TRABD2B: variants seen among roughly 807,000 people sequenced by gnomAD.
TRABD2B encodes metalloprotease TIKI2.
A neutral mutation model predicts 40.1 loss-of-function variants in TRABD2B; 14 were observed. The observed-to-expected ratio is 0.35, with a 90% CI of 0.23 to 0.55. The LOEUF (loss-of-function observed/expected upper bound fraction) is 0.55. TRABD2B is among the 20% of genes least tolerant of loss of function. TRABD2B has a pLI of 0.90. For synonymous variants in TRABD2B, 263 were observed against 277.0 expected, an observed-to-expected ratio of 0.95 and a Z score of 0.50; for missense variants, 541 against 648.6, an observed-to-expected ratio of 0.83 and a Z score of 1.80.
chr1:47,785,188 CCCT>C (rs950499600), intron 4 of TRABD2B, among the ~76,000 whole-genome samples: 2 of 152,114 alleles, frequency 1.3e-5, no homozygotes, highest in African/African-American at 4.8e-5. Context: ...ACGAGGGTGT[CCCT>C]CCTCCATGAC....
intron 2 of TRABD2B, among the ~76,000 whole-genome samples, chr1:47,828,931 G>A (rs1268267897): frequency 1.3e-5 from 2 of 152,132 alleles, no homozygotes; most frequent in Admixed American, 6.5e-5. Flanking sequence ...GCCTGCCTCC[G>A]TCCTGTGCAC....
At chr1:47,966,097 G>A (rs1007840297) in intron 2 of TRABD2B, among the ~76,000 whole-genome samples, 9 of 152,164 alleles carry the variant, frequency 5.9e-5, no homozygotes, top group Non-Finnish European at 1.0e-4. Context: ...AGGTCAGCAC[G>A]GGGTCTGAGG....
chr1:47,898,665 C>T (rs1204676218), intron 2 of TRABD2B, among the ~76,000 whole-genome samples: 1 of 152,176 alleles, frequency 6.6e-6, no homozygotes, highest in Admixed American at 6.5e-5. Flanking sequence ...TTATCCAAGG[C>T]TATATATAGC....
At chr1:47,849,012 C>G (rs191531181) in intron 2 of TRABD2B, among the ~76,000 whole-genome samples, 11 of 152,340 alleles carry the variant, frequency 7.2e-5, no homozygotes, top group Admixed American at 7.2e-4. Flanking sequence ...GCTTCATGCA[C>G]ATTGCCTGAT....
At chr1:47,800,128 A>G (rs1478427480) in intron 3 of TRABD2B, among the ~76,000 whole-genome samples, 1 of 150,112 alleles carries the variant, frequency 6.7e-6, no homozygotes, top group Non-Finnish European at 1.5e-5. Flanking sequence ...AACAGACCGA[A>G]CTCCCTGCCC....
At chr1:47,773,312 A>T (rs1262325834) in intron 6 of TRABD2B, among the ~76,000 whole-genome samples, 3 of 152,242 alleles carry the variant, frequency 2.0e-5, no homozygotes, top group African/African-American at 4.8e-5. Context: ...CTCACTCCCG[A>T]TTAGAAGGGG....
rs1367325867 is a variant in TRABD2B, at chr1:47,926,597, C to A, written c.666+67437G>T. ...TAGACCACCTCCAGATCCTCCCATG[C>A]TGTGGGATAAGATCTGGCGGCAGGC... On this transcript the variant is annotated intron_variant, in intron 2 of 6. Transcript: ENST00000606738. 1.4e-4 allele frequency among the ~76,000 whole-genome samples: 22 copies of A among 152,148 alleles called. No individual in the cohort carries two copies. The South Asian group carries it at 1.9e-3, about 13-fold the overall frequency.
rs374129330 is a variant in TRABD2B at position 47,988,812 on chromosome 1, G to A, written c.666+5222C>T. The stretch of plus-strand genomic sequence containing the variant: ...AAGGGGGGCAAATTAGGCCTAGAAA[G>A]GGAAAAGGGCTGGCCCAAAGTCACA... On this transcript the variant is annotated intron_variant, in intron 2 of 6. Coordinates refer to ENST00000606738, the MANE Select transcript of TRABD2B (RefSeq NM_001194986.2). Among the ~76,000 whole-genome samples, 453 of 152,322 alleles carry A rather than the reference G, an allele frequency of 3.0e-3. 4 individuals are homozygous for A. Among genetic ancestry groups the A allele is most frequent in the African/African-American group, 0.011 (437 of 41,566 alleles).
At chr1:47,974,879 G>A (rs944943457) in intron 2 of TRABD2B, among the ~76,000 whole-genome samples, 2 of 152,190 alleles carry the variant, frequency 1.3e-5, no homozygotes, top group African/African-American at 4.8e-5. Flanking sequence ...GATATGATGT[G>A]AGGAGAATAG....
At chr1:47,832,558 T>C (rs1645265241) in intron 2 of TRABD2B, among the ~76,000 whole-genome samples, 1 of 152,178 alleles carries the variant, frequency 6.6e-6, no homozygotes, top group South Asian at 2.1e-4. Context: ...TAAATGGCTA[T>C]AATTCTTCCT....
intron 3 of TRABD2B, among the ~76,000 whole-genome samples, chr1:47,801,050 G>A (rs1185298503): frequency 2.0e-5 from 3 of 152,162 alleles, no homozygotes; most frequent in South Asian, 4.1e-4. Flanking sequence ...CTTGCTGCCC[G>A]ACCAGCTGGT....
intron 2 of TRABD2B, among the ~76,000 whole-genome samples, chr1:47,902,812 T>C (rs1644620602): frequency 6.6e-6 from 1 of 152,216 alleles, no homozygotes; most frequent in Non-Finnish European, 1.5e-5. Flanking sequence ...CTTTAGTACA[T>C]GTGGCTGTTG....
At chr1:47,769,513 TG>T (rs780395640) in intron 6 of TRABD2B, among the ~76,000 whole-genome samples, 91 of 152,210 alleles carry the variant, frequency 6.0e-4, no homozygotes, top group Admixed American at 2.0e-3. Context: ...GACTGGTGGG[TG>T]GGGGGTGTGG....
chr1:47,782,222 A>G (rs145316336), intron 4 of TRABD2B, among the ~76,000 whole-genome samples: 80 of 152,306 alleles, frequency 5.3e-4, no homozygotes, highest in African/African-American at 1.8e-3. Flanking sequence ...AGGCTCTGCT[A>G]TTCAACCTAA....
At chr1:47,805,293 G>A (rs1287964267) in intron 2 of TRABD2B, among the ~76,000 whole-genome samples, 1 of 151,726 alleles carries the variant, frequency 6.6e-6, no homozygotes, top group African/African-American at 2.4e-5. Flanking sequence ...AATAGCCAGG[G>A]AATATTTATT....
At chr1:47,861,343 C>T (rs930343148) in intron 2 of TRABD2B, among the ~76,000 whole-genome samples, 8 of 152,068 alleles carry the variant, frequency 5.3e-5, no homozygotes, top group Admixed American at 2.0e-4. Flanking sequence ...TGTTGTAAAA[C>T]GTCCTACAAT....
At chr1:47,839,732 T>G (rs1159737276) in intron 2 of TRABD2B, among the ~76,000 whole-genome samples, 1 of 152,224 alleles carries the variant, frequency 6.6e-6, no homozygotes, top group Non-Finnish European at 1.5e-5. Context: ...CCATCATCAC[T>G]GCTGTTACTA....
Position 47,996,800 on chromosome 1 carries a change from C to T in TRABD2B, c.-11G>A. Reference sequence around the variant, plus strand: ...CAGGGCGGCGTGCATCCTGCCAGGGCCCGCGGGGCGCGGGGGACCCTCCTG... The same window carrying T: ...CAGGGCGGCGTGCATCCTGCCAGGGTCCGCGGGGCGCGGGGGACCCTCCTG... On this transcript the variant is annotated 5_prime_UTR_variant, in exon 1 of 7. Coordinates refer to ENST00000606738, the MANE Select transcript of TRABD2B (RefSeq NM_001194986.2). This position sits in a 1 kb window ranked among gnomAD's most constrained non-coding sequence, Gnocchi z 4.6. The T allele has an allele frequency of 8.4e-7, 1 of 1,191,434 alleles. No individual in the cohort carries two copies. Among genetic ancestry groups the T allele is most frequent in the Non-Finnish European group, 1.0e-6 (1 of 961,794 alleles). The allele number at this position is 1,191,434 out of a possible 1,614,324, so 73.8% of individuals were successfully genotyped here. A position where few individuals can be genotyped will look rare whatever the true frequency, so the allele number is the denominator to read the frequency against.
At chr1:47,771,812 C>A (rs1285575948) in intron 6 of TRABD2B, among the ~76,000 whole-genome samples, 1 of 152,212 alleles carries the variant, frequency 6.6e-6, no homozygotes, top group Admixed American at 6.5e-5. Flanking sequence ...TGGGCTACTG[C>A]TTCTCTAAAC....
Sources: gnomAD v4.1 joint callset for allele counts (sites outside exome capture counted in the v4.1 genomes callset) on GRCh38, gnomAD v4.1.1 for gene constraint, Gnocchi (gnomAD v3.1) non-coding constraint, MANE v1.5 for transcripts, NCBI Gene and HGNC (gene_info 2026-07-23, HGNC 2026-07-21) for gene names.